The following PTPRD variants were observed in gnomAD, a reference collection of about 807,000 sequenced individuals.
PTPRD encodes the protein receptor-type tyrosine-protein phosphatase delta.
Under a neutral mutation model 214.5 loss-of-function variants are expected in PTPRD, and 34 were observed. The observed-to-expected ratio is 0.16, with a 90% CI of 0.12 to 0.21. PTPRD has a LOEUF of 0.21. PTPRD is among the 10% of genes least tolerant of loss of function. The pLI, the probability that PTPRD is intolerant of heterozygous loss-of-function variation, is 1.00. For missense variants in PTPRD, 2,545 were observed against 2,398.7 expected, an observed-to-expected ratio of 1.06 and a Z score of -1.27; for synonymous variants, 1,128 against 845.7, an observed-to-expected ratio of 1.33 and a Z score of -5.79.
At chr9:9,977,308 T>G (rs2095391717) in intron 4 of PTPRD, among the ~76,000 whole-genome samples, 1 of 152,072 alleles carries the variant, frequency 6.6e-6, no homozygotes. Flanking sequence ...AGTAAAACAG[T>G]TTTTGGCACA....
chr9:10,578,409 A>G (rs1052391170), intron 2 of PTPRD, among the ~76,000 whole-genome samples: 4 of 152,048 alleles, frequency 2.6e-5, no homozygotes, highest in Non-Finnish European at 5.9e-5. Context: ...AAATACCTTT[A>G]TTTTAGGGGT....
rs576716742 is a variant in PTPRD, at chr9:8,551,207, G to T, written c.353-22428C>A. Among the ~76,000 whole-genome samples the T allele has an allele frequency of 5.9e-5, 9 of 152,020 alleles. No homozygotes were observed. In the South Asian group the frequency reaches 1.9e-3, roughly 32 times the overall value. ...CCTTAAGTGACTTTAACCTCCGTAGGCATTGGGCCCCATGACCCATAGCAC... is the reference window on the plus strand; with the variant it reads ...CCTTAAGTGACTTTAACCTCCGTAGTCATTGGGCCCCATGACCCATAGCAC... On this transcript the variant is annotated intron_variant, in intron 14 of 45. Coordinates refer to ENST00000381196, the MANE Select transcript of PTPRD (RefSeq NM_002839.4).
chr9:9,454,574 C>A (rs2092719793), intron 8 of PTPRD, among the ~76,000 whole-genome samples: 1 of 151,634 alleles, frequency 6.6e-6, no homozygotes, highest in South Asian at 2.1e-4. Context: ...TCAAGATAAG[C>A]ATTTTAGAAT....
At chr9:10,193,175 T>G (rs2099380197) in intron 3 of PTPRD, among the ~76,000 whole-genome samples, 1 of 152,150 alleles carries the variant, frequency 6.6e-6, no homozygotes, top group African/African-American at 2.4e-5. Context: ...GAGACTCTAT[T>G]ATTGTCATTT....
rs2094071980 is a variant in PTPRD at position 9,958,006 on chromosome 9, C to T, written c.-471-19396G>A. 2.0e-5 allele frequency among the ~76,000 whole-genome samples: 3 copies of T among 150,668 alleles called. No individual in the cohort carries two copies. The South Asian group carries it at 6.5e-4, about 33-fold the overall frequency. ...TATCTTTCAGCAAATCTTGGAATGACTGGAAGTTCATTTGTGTATGTGTAA... is the reference window on the plus strand; with the variant it reads ...TATCTTTCAGCAAATCTTGGAATGATTGGAAGTTCATTTGTGTATGTGTAA... On this transcript the variant is annotated intron_variant, in intron 4 of 45. Transcript: ENST00000381196.
At chr9:10,530,039 T>A (rs2055702342) in intron 2 of PTPRD, among the ~76,000 whole-genome samples, 1 of 152,168 alleles carries the variant, frequency 6.6e-6, no homozygotes, top group South Asian at 2.1e-4. Flanking sequence ...ACCTGCATGT[T>A]CTGCACATGT....
intron 7 of PTPRD, among the ~76,000 whole-genome samples, chr9:9,732,626 G>C (rs1241919387): frequency 1.3e-5 from 2 of 152,130 alleles, no homozygotes; most frequent in Admixed American, 1.3e-4. Flanking sequence ...TGTTATGATG[G>C]AAATGGGGAG....
chr9:8,415,071 G>C (rs68173595), intron 35 of PTPRD, among the ~76,000 whole-genome samples: 7 of 151,898 alleles, frequency 4.6e-5, no homozygotes, highest in Non-Finnish European at 1.0e-4. Flanking sequence ...AATTTCTGCA[G>C]TGCAATACCT....
In PTPRD at chr9:9,502,070, A is replaced by G. The variant is rs546927689; in HGVS notation, c.-237+72662T>C. 3.0e-4 allele frequency among the ~76,000 whole-genome samples: 46 copies of G among 152,034 alleles called. No individual in the cohort carries two copies. In the Middle Eastern group the frequency reaches 0.02, roughly 67 times the overall value. On this transcript the variant is annotated intron_variant, in intron 8 of 45. Transcript: ENST00000381196. ...CACTACCACAATCGATGTCATAAAC[A>G]TATTCATCACCTCCTAAAGGTTCCG...
intron 2 of PTPRD, among the ~76,000 whole-genome samples, chr9:10,479,922 A>G (rs953437920): frequency 4.9e-4 from 74 of 152,276 alleles, no homozygotes; most frequent in Admixed American, 5.2e-4. Context: ...CAGGGATGTT[A>G]AAGAAAATCC....
intron 3 of PTPRD, among the ~76,000 whole-genome samples, chr9:10,225,638 C>T (rs1315180585): frequency 6.6e-6 from 1 of 151,952 alleles, no homozygotes; most frequent in African/African-American, 2.4e-5. Flanking sequence ...TTCTCTTTTG[C>T]AAAAGTGTTG....
chr9:8,886,106 C>G (rs890435906), intron 11 of PTPRD, among the ~76,000 whole-genome samples: 10 of 152,102 alleles, frequency 6.6e-5, no homozygotes, highest in Non-Finnish European at 1.3e-4. Flanking sequence ...CTACAAGACA[C>G]CAACATCTGG....
chr9:9,099,954 T>G (rs1232078611), intron 10 of PTPRD, among the ~76,000 whole-genome samples: 1 of 152,148 alleles, frequency 6.6e-6, no homozygotes, highest in Admixed American at 6.5e-5. Context: ...CTGTTCCAAT[T>G]AGTGTGTGAC....
At chr9:8,823,451 G>A (rs997812008) in intron 11 of PTPRD, among the ~76,000 whole-genome samples, 4 of 152,076 alleles carry the variant, frequency 2.6e-5, no homozygotes, top group Non-Finnish European at 5.9e-5. Context: ...TTCCTTATCC[G>A]CCAGCAAGTT....
chr9:10,461,378 A>G lies in PTPRD; in HGVS notation c.-599-120361T>C, dbSNP rs1437641465. ...AAAATAAAATCACCACCTCATAAAGATATCTGCAATCCTATGTTCATTGTA... is the reference window on the plus strand; with the variant it reads ...AAAATAAAATCACCACCTCATAAAGGTATCTGCAATCCTATGTTCATTGTA... On this transcript the variant is annotated intron_variant, in intron 2 of 45. Coordinates refer to ENST00000381196, the MANE Select transcript of PTPRD (RefSeq NM_002839.4). Among the ~76,000 whole-genome samples the G allele has an allele frequency of 2.6e-5, 4 of 152,006 alleles. No homozygotes were observed. In the South Asian group the frequency reaches 6.2e-4, roughly 24 times the overall value.
chr9:10,368,791 A>C (rs2097560214), intron 2 of PTPRD, among the ~76,000 whole-genome samples: 2 of 152,148 alleles, frequency 1.3e-5, no homozygotes, highest in African/African-American at 2.4e-5. Flanking sequence ...TGGAATGCTA[A>C]TGGAAAGACA....
intron 11 of PTPRD, among the ~76,000 whole-genome samples, chr9:8,945,550 G>A (rs1199074139): frequency 6.6e-6 from 1 of 151,922 alleles, no homozygotes; most frequent in African/African-American, 2.4e-5. Context: ...CTCCTACAGA[G>A]TATCTTTATG....
chr9:9,835,213 T>A (rs1054310675), intron 5 of PTPRD, among the ~76,000 whole-genome samples: 9 of 152,138 alleles, frequency 5.9e-5, no homozygotes, highest in African/African-American at 2.2e-4. Flanking sequence ...GATCCACTAA[T>A]CTTGGCTCCA....
intron 11 of PTPRD, among the ~76,000 whole-genome samples, chr9:8,983,519 C>T (rs2099324468): frequency 1.3e-5 from 2 of 151,660 alleles, no homozygotes; most frequent in Admixed American, 1.3e-4. Context: ...TTCCCCCTCC[C>T]CCCGCTTTTG....
Sources: allele counts gnomAD v4.1 joint callset (sites outside exome capture counted in the v4.1 genomes callset), GRCh38; gene constraint gnomAD v4.1.1; transcripts MANE v1.5; gene names NCBI Gene and HGNC (gene_info 2026-07-23, HGNC 2026-07-21).